SPAG16: variants seen among roughly 807,000 people sequenced by gnomAD.
The protein encoded by SPAG16 is sperm associated antigen 16, also known as sperm-associated antigen 16 protein.
In SPAG16, 86 loss-of-function variants were observed where a neutral mutation model predicts 80.4. That is an observed-to-expected ratio of 1.07 (90% confidence interval 0.90 to 1.28). The LOEUF (loss-of-function observed/expected upper bound fraction) is 1.28, where lower values mean the gene tolerates loss of function less well. SPAG16 is among the 50% of genes most tolerant of loss of function. SPAG16 has a pLI of 0.00. For synonymous variants in SPAG16, 294 were observed against 265.9 expected (o/e 1.11, Z -1.03); for missense variants, 870 against 765.3 (o/e 1.14, Z -1.61).
At chr2:214,127,123 A>G (rs2054533419) in intron 14 of SPAG16, among the ~76,000 whole-genome samples, 1 of 151,748 alleles carries the variant, frequency 6.6e-6, no homozygotes, top group South Asian at 2.1e-4. Context: ...ACCTCTAATC[A>G]CTGCTGCAGA....
At chr2:213,843,079 G>A (rs903657078) in intron 10 of SPAG16, among the ~76,000 whole-genome samples, 44 of 150,604 alleles carry the variant, frequency 2.9e-4, no homozygotes, top group African/African-American at 9.5e-4. Flanking sequence ...GTGAGCCACC[G>A]TGCCTGGCCT....
chr2:214,344,014 A>G (rs1238640733), intron 15 of SPAG16, among the ~76,000 whole-genome samples: 1 of 152,104 alleles, frequency 6.6e-6, no homozygotes, highest in Non-Finnish European at 1.5e-5. Flanking sequence ...CTTAATAATG[A>G]TGGGTGTCCA....
intron 10 of SPAG16, among the ~76,000 whole-genome samples, chr2:213,779,316 T>A (rs1207489361): frequency 6.6e-6 from 1 of 152,204 alleles, no homozygotes; most frequent in Non-Finnish European, 1.5e-5. Flanking sequence ...CATTCCATTT[T>A]TAGATCTGTA....
chr2:214,031,429 G>A (rs1468689700), intron 13 of SPAG16, among the ~76,000 whole-genome samples: 45 of 100,088 alleles, frequency 4.5e-4, no homozygotes, highest in Admixed American at 7.3e-4. Context: ...CACACTCTGG[G>A]GACTGTTGTG....
intron 10 of SPAG16, among the ~76,000 whole-genome samples, chr2:213,716,340 G>C (rs974593249): frequency 1.3e-5 from 2 of 152,122 alleles, no homozygotes; most frequent in African/African-American, 4.8e-5. Flanking sequence ...AAAATGATGT[G>C]AGAGTATCAG....
chr2:214,116,558 C>A (rs943827754), intron 14 of SPAG16, among the ~76,000 whole-genome samples: 1 of 152,180 alleles, frequency 6.6e-6, no homozygotes, highest in Non-Finnish European at 1.5e-5. Context: ...GGGCCCAGAC[C>A]ACTTGTGCAG....
chr2:213,800,823 A>G (rs1428673765), intron 10 of SPAG16, among the ~76,000 whole-genome samples: 2 of 152,180 alleles, frequency 1.3e-5, no homozygotes, highest in Non-Finnish European at 2.9e-5. Context: ...ACACTTCCAC[A>G]TAATACAGTA....
chr2:214,197,649 A>G (rs1412655653), intron 15 of SPAG16, among the ~76,000 whole-genome samples: 2 of 151,998 alleles, frequency 1.3e-5, no homozygotes, highest in Admixed American at 6.6e-5. Flanking sequence ...TGGGTACTCT[A>G]TACAACTTCT....
At chr2:214,177,908 T>TATATAC (rs1482858949) in intron 15 of SPAG16, among the ~76,000 whole-genome samples, 1,018 of 74,528 alleles carry the variant, frequency 0.014, 18 homozygotes, top group Non-Finnish European at 0.016. Context: ...TACATATATA[T>TATATAC]ATATATACAT....
Position 213,490,065 on chromosome 2 carries a change from A to G in SPAG16, c.1045A>G (p.Arg349Gly). Residue 349 changes from arginine to glycine, a missense_variant, in exon 10 of 16, where the codon AGA (arginine) becomes GGA (glycine). Coordinates refer to ENST00000331683, the MANE Select transcript of SPAG16 (RefSeq NM_024532.5). Reference protein sequence around the residue: ...KFDYKLKNIFRLHELPVSCVS... With the variant: ...KFDYKLKNIFGLHELPVSCVS... Reference sequence around the variant, plus strand: ...TGACTACAAGCTGAAAAACATTTTTAGACTCCATGAACTTCCAGTGAGCTG... The same window carrying G: ...TGACTACAAGCTGAAAAACATTTTTGGACTCCATGAACTTCCAGTGAGCTG... 6.2e-7 allele frequency: 1 copy of G among 1,603,758 alleles called. No homozygotes were observed. Among genetic ancestry groups the G allele is most frequent in the Non-Finnish European group, 8.5e-7 (1 of 1,175,492 alleles).
At chr2:213,604,797 G>T (rs997287538) in intron 10 of SPAG16, among the ~76,000 whole-genome samples, 1 of 151,270 alleles carries the variant, frequency 6.6e-6, no homozygotes, top group Non-Finnish European at 1.5e-5. Context: ...TTTGCTTCAA[G>T]AAAAAAACCT....
rs113106353 is a variant in SPAG16, at chr2:213,829,765, C to G, written c.1071-32720C>G. Reference sequence around the variant, plus strand: ...CCTTCCCTTCAAGGCAGCAGGTTCCCTTCTGGCCCAAGATGTATCTAGAAA... The same window carrying G: ...CCTTCCCTTCAAGGCAGCAGGTTCCGTTCTGGCCCAAGATGTATCTAGAAA... On this transcript the variant is annotated intron_variant, in intron 10 of 15. Transcript: ENST00000331683. 7.6e-4 allele frequency among the ~76,000 whole-genome samples: 116 copies of G among 152,290 alleles called. 2 individuals are homozygous for G. Among genetic ancestry groups the G allele is most frequent in the African/African-American group, 2.6e-3 (109 of 41,552 alleles).
intron 10 of SPAG16, among the ~76,000 whole-genome samples, chr2:213,859,018 A>G (rs2075295386): frequency 6.6e-6 from 1 of 151,536 alleles, no homozygotes; most frequent in South Asian, 2.1e-4. Context: ...ATCTGTACTA[A>G]AAATACAAAC....
intron 13 of SPAG16, among the ~76,000 whole-genome samples, chr2:214,093,698 T>G (rs1054245882): frequency 1.3e-5 from 2 of 152,064 alleles, no homozygotes; most frequent in African/African-American, 4.8e-5. Context: ...GTATAGCTAT[T>G]AACTTAATGC....
intron 13 of SPAG16, among the ~76,000 whole-genome samples, chr2:214,084,470 CTCA>C (rs2051591288): frequency 6.6e-6 from 1 of 152,140 alleles, no homozygotes. Flanking sequence ...ATGGAAATAC[CTCA>C]TTTATAATTC....
intron 15 of SPAG16, among the ~76,000 whole-genome samples, chr2:214,164,442 G>A (rs1298021795): frequency 6.6e-6 from 1 of 152,014 alleles, no homozygotes; most frequent in Non-Finnish European, 1.5e-5. Context: ...AGCAGGAAGA[G>A]CATTCCAGAA....
rs78367939 is a variant in SPAG16, at chr2:213,497,699, C to T, written c.1070+7609C>T. The stretch of plus-strand genomic sequence containing the variant: ...TTATATATAGCAATTATGTGTAGTG[C>T]CAACAATACATAAAAATCCCACCCT... On this transcript the variant is annotated intron_variant, in intron 10 of 15. Transcript: ENST00000331683. 4.4e-3 allele frequency among the ~76,000 whole-genome samples: 670 copies of T among 152,044 alleles called. 4 individuals carry two copies. The highest frequency in any genetic ancestry group is 0.015 in the African/African-American group (620 of 41,496).
intron 12 of SPAG16, among the ~76,000 whole-genome samples, chr2:214,012,288 A>ATTTTTTTTTTTTTTTT (rs778689045): frequency 6.4e-5 from 3 of 46,804 alleles, no homozygotes; most frequent in African/African-American, 1.2e-4. Context: ...ATATATATAT[A>ATTTTTTTTTTTTTTTT]TTTTTTTTTT....
At chr2:213,316,947 C>T (rs560484352) in intron 4 of SPAG16, among the ~76,000 whole-genome samples, 6 of 152,090 alleles carry the variant, frequency 3.9e-5, no homozygotes, top group African/African-American at 1.2e-4. Flanking sequence ...GGGACGTAGA[C>T]ATTTTTGTCA....
Sources: allele counts gnomAD v4.1 joint callset (sites outside exome capture counted in the v4.1 genomes callset), GRCh38; gene constraint gnomAD v4.1.1; transcripts MANE v1.5; gene names NCBI Gene and HGNC (gene_info 2026-07-23, HGNC 2026-07-21).